Variants in TRPC3 observed in about 807,000 individuals in gnomAD.
TRPC3 encodes short transient receptor potential channel 3.
TRPC3 carries 54 observed loss-of-function variants against 90.9 expected under a neutral mutation model. The observed-to-expected ratio is 0.59, with a 90% confidence interval of 0.48 to 0.75. The LOEUF (loss-of-function observed/expected upper bound fraction) is 0.75. Among genes scored for constraint, TRPC3 ranks in the 30% least tolerant of loss-of-function variants. TRPC3 has a pLI of 0.00. For missense variants in TRPC3, 918 were observed against 1,194.5 expected, an observed-to-expected ratio of 0.77 and a Z score of 3.41; for synonymous variants, 424 against 450.9, an observed-to-expected ratio of 0.94 and a Z score of 0.75.
intron 1 of TRPC3, among the ~76,000 whole-genome samples, chr4:121,934,551 G>T (rs1730064099): frequency 6.6e-6 from 1 of 152,134 alleles, no homozygotes; most frequent in Admixed American, 6.5e-5. Flanking sequence ...AAAGTGAACG[G>T]CTAGAAAAGA....
At chr4:121,947,421 C>T (rs549077700) in intron 1 of TRPC3, among the ~76,000 whole-genome samples, 4 of 152,058 alleles carry the variant, frequency 2.6e-5, no homozygotes, top group Non-Finnish European at 4.4e-5. Context: ...AATGCCTGAG[C>T]CAACACACAC....
At chr4:121,925,729 T>C (rs576226991) in intron 2 of TRPC3, among the ~76,000 whole-genome samples, 2 of 152,354 alleles carry the variant, frequency 1.3e-5, no homozygotes, top group African/African-American at 4.8e-5. Flanking sequence ...GTGACAGATA[T>C]GTTAATTAGC....
rs553808542 is a variant in TRPC3 at position 121,905,217 on chromosome 4, C to A, written c.2058-700G>T. Among the ~76,000 whole-genome samples the A allele has an allele frequency of 4.6e-5, 7 of 151,928 alleles. No homozygotes were observed. The South Asian group carries it at 1.0e-3, about 23-fold the overall frequency. ...TATATTCTTTTTTATATAAAAAAATCTCTGAAAATATCCAAAAGACACCAT... is the reference window on the plus strand; with the variant it reads ...TATATTCTTTTTTATATAAAAAAATATCTGAAAATATCCAAAAGACACCAT... On this transcript the variant is annotated intron_variant, in intron 7 of 11. Coordinates refer to ENST00000379645, the MANE Select transcript of TRPC3 (RefSeq NM_001130698.2).
intron 3 of TRPC3, among the ~76,000 whole-genome samples, chr4:121,923,274 C>G (rs899741294): frequency 1.3e-5 from 2 of 152,204 alleles, no homozygotes; most frequent in African/African-American, 4.8e-5. Flanking sequence ...GCCACAGAAA[C>G]TCCCTTAACA....
intron 10 of TRPC3, among the ~76,000 whole-genome samples, chr4:121,889,188 C>T (rs763333532): frequency 2.6e-5 from 4 of 152,112 alleles, no homozygotes; most frequent in Non-Finnish European, 4.4e-5. Flanking sequence ...AATGATAAAA[C>T]TACTAGAAGA....
chr4:121,910,493 C>G (rs1729041673), intron 5 of TRPC3, 106 bp from the exon 6 acceptor site: 1 of 814,560 alleles, frequency 1.2e-6, no homozygotes, highest in Admixed American at 2.0e-5. Flanking sequence ...ACGTCAAGCA[C>G]AGTACTAGGC....
Position 121,925,137 on chromosome 4 carries a change from A to C in TRPC3, c.1057T>G (p.Ser353Ala). Reference protein sequence around the residue: ...VVGVLDLCRDSEEVEAILNGD... With the variant: ...VVGVLDLCRDAEEVEAILNGD... ...TTCAGAATGGCTTCTACCTCTTCTG[A>C]GTCTCGGCAGAGATCCAGCACACCC... The change falls in exon 3 of 12, where the codon TCA (serine) becomes GCA (alanine). Residue 353 changes from serine to alanine, a missense_variant. This residue lies in a region of TRPC3 where 609 missense variants were observed against 725.9 expected (regional missense o/e 0.84). Coordinates refer to ENST00000379645, the MANE Select transcript of TRPC3 (RefSeq NM_001130698.2). 6.2e-7 allele frequency: 1 copy of C among 1,614,080 alleles called. No individual in the cohort carries two copies. Among genetic ancestry groups the C allele is most frequent in the Non-Finnish European group, 8.5e-7 (1 of 1,180,020 alleles).
intron 10 of TRPC3, among the ~76,000 whole-genome samples, chr4:121,894,373 T>C (rs1304791591): frequency 6.6e-6 from 1 of 151,978 alleles, no homozygotes; most frequent in African/African-American, 2.4e-5. Context: ...TTATTAAGTC[T>C]AAAGGGAGAA....
chr4:121,935,542 T>A (rs1355792644), intron 1 of TRPC3, among the ~76,000 whole-genome samples: 2 of 152,274 alleles, frequency 1.3e-5, no homozygotes, highest in East Asian at 3.9e-4. Flanking sequence ...TAAACAAATC[T>A]TGTAAATATT....
At chr4:121,885,839 A>G (rs570435697) in intron 10 of TRPC3, among the ~76,000 whole-genome samples, 2 of 152,330 alleles carry the variant, frequency 1.3e-5, no homozygotes, top group East Asian at 3.9e-4. Flanking sequence ...AAAGAAGTCT[A>G]TAGATTAACT....
chr4:121,903,639 C>T (rs533505540), intron 8 of TRPC3, among the ~76,000 whole-genome samples: 1 of 152,110 alleles, frequency 6.6e-6, no homozygotes, highest in South Asian at 2.1e-4. Flanking sequence ...TGGAGATAAC[C>T]ACCCTAACTG....
Position 121,875,879 on chromosome 4 carries a change from C to T in TRPC3, c.*3857G>A, listed in dbSNP as rs966929400. On this transcript the variant is annotated 3_prime_UTR_variant, in exon 12 of 12. Coordinates refer to ENST00000379645, the MANE Select transcript of TRPC3 (RefSeq NM_001130698.2). ...TTTAAACTGAACAAAGTTATAAATA[C>T]CCATTTTAGATTTTTTTTTTTTTTT... is the stretch of plus-strand genomic sequence containing the variant. Among the ~76,000 whole-genome samples, 3 of 144,672 alleles carry T rather than the reference C, an allele frequency of 2.1e-5. No homozygotes were observed. Among genetic ancestry groups the T allele is most frequent in the Non-Finnish European group, 3.0e-5 (2 of 66,626 alleles). The allele number at this position is 144,672 out of a possible 152,430, so 94.9% of individuals were successfully genotyped here.
intron 10 of TRPC3, among the ~76,000 whole-genome samples, chr4:121,898,723 G>T (rs1427765095): frequency 1.3e-5 from 2 of 152,146 alleles, no homozygotes; most frequent in Non-Finnish European, 2.9e-5. Flanking sequence ...TGATGGATAT[G>T]CTAATTACCC....
chr4:121,950,219 G>A (rs1385397534), intron 1 of TRPC3, among the ~76,000 whole-genome samples: 2 of 151,940 alleles, frequency 1.3e-5, no homozygotes, highest in Non-Finnish European at 2.9e-5. Context: ...GCCACTGATT[G>A]TGTTCCTGTG....
chr4:121,920,480 C>T (rs1729463225), intron 3 of TRPC3, among the ~76,000 whole-genome samples: 2 of 151,456 alleles, frequency 1.3e-5, no homozygotes, highest in African/African-American at 2.4e-5. Flanking sequence ...GCCAAGATCT[C>T]GCCACTGCAC....
At chr4:121,890,402 A>G (rs1169259873) in intron 10 of TRPC3, among the ~76,000 whole-genome samples, 1 of 152,226 alleles carries the variant, frequency 6.6e-6, no homozygotes, top group Non-Finnish European at 1.5e-5. Context: ...CACAACGTAT[A>G]CATGTATTGA....
chr4:121,895,608 A>G (rs1362800666), intron 10 of TRPC3, among the ~76,000 whole-genome samples: 1 of 152,128 alleles, frequency 6.6e-6, no homozygotes, highest in Non-Finnish European at 1.5e-5. Flanking sequence ...AAAATCACAG[A>G]CACATTCAAT....
At chr4:121,910,639 G>C (rs1424049518) in intron 5 of TRPC3, among the ~76,000 whole-genome samples, 1 of 152,112 alleles carries the variant, frequency 6.6e-6, no homozygotes, top group Non-Finnish European at 1.5e-5. Flanking sequence ...TGGCACCAGA[G>C]ATGTCTCTAT....
Position 121,899,624 on chromosome 4 carries a change from T to C in TRPC3, c.2535A>G (p.Pro845=). The C allele has an allele frequency of 6.2e-7, 1 of 1,613,448 alleles. No individual in the cohort carries two copies. The highest frequency in any genetic ancestry group is 1.3e-5 in the African/African-American group (1 of 75,038). Residue 845 remains proline, a synonymous_variant, in exon 10 of 12, where the codon CCA becomes CCG. Transcript: ENST00000379645. ...AATGAATGCTTACCTGATAACGTGT[T>C]GGCTGATTGAGAATGCTGTTAAAAC... ...SHSFNSILNQ[P]TRYQQIMKRL... is the part of the protein sequence containing the mutation.
Sources: allele counts gnomAD v4.1 joint callset (sites outside exome capture counted in the v4.1 genomes callset), GRCh38; gene constraint gnomAD v4.1.1; regional missense constraint gnomAD v4.1.1; transcripts MANE v1.5; gene names NCBI Gene and HGNC (gene_info 2026-07-23, HGNC 2026-07-21).